Variants in PHF19 observed in about 807,000 individuals in gnomAD.
The protein encoded by PHF19 is PHD finger protein 19.
Under a neutral mutation model 79.8 loss-of-function variants are expected in PHF19, and 21 were observed. That is an observed-to-expected ratio of 0.26 (90% CI 0.19 to 0.38). The LOEUF (loss-of-function observed/expected upper bound fraction) is 0.38, where lower values mean the gene tolerates loss of function less well. Among genes scored for constraint, PHF19 ranks in the 10% least tolerant of loss-of-function variants. The pLI is 1.00. For missense variants in PHF19, 445 were observed against 744.2 expected, an observed-to-expected ratio of 0.60 and a Z score of 4.68; for synonymous variants, 273 against 296.3, an observed-to-expected ratio of 0.92 and a Z score of 0.81.
At chr9:120,889,993 C>T (rs2046320374) in intron 1 of PHF19, among the ~76,000 whole-genome samples, 1 of 152,196 alleles carries the variant, frequency 6.6e-6, no homozygotes, top group Admixed American at 6.5e-5. Context: ...ACCCACAGCT[C>T]ACAAAATTGC....
chr9:120,867,542 G>A lies in PHF19; in HGVS notation c.615-577C>T, dbSNP rs142695863. On this transcript the variant is annotated intron_variant, in intron 6 of 14. Transcript: ENST00000373896. ...TGTCAGGTGAGCTCCAGGTTAAAAC[G>A]CAGATTCCTTGGTCCACTGCAGACC... Among the ~76,000 whole-genome samples the A allele has an allele frequency of 7.9e-5, 12 of 152,320 alleles. No individual in the cohort carries two copies. The East Asian group carries it at 2.3e-3, about 29-fold the overall frequency.
upstream of PHF19, chr9:120,877,406 G>A (rs1458506355): frequency 1.0e-5 from 10 of 969,360 alleles, no homozygotes; most frequent in African/African-American, 1.8e-5. Flanking sequence ...GGAGCCCGCG[G>A]CCGCCGGGCT....
upstream of PHF19, among the ~76,000 whole-genome samples, chr9:120,880,673 C>T (rs143232810): frequency 7.3e-4 from 111 of 152,256 alleles, no homozygotes; most frequent in Non-Finnish European, 1.1e-3. Context: ...TGTTTCTTAA[C>T]GCATTCAGCT....
chr9:120,897,464 A>G (rs1372804290), upstream of PHF19, among the ~76,000 whole-genome samples: 1 of 152,230 alleles, frequency 6.6e-6, no homozygotes, highest in Non-Finnish European at 1.5e-5. Context: ...TTCAGGTCAC[A>G]TGGAGTGGGT....
rs1023288291 is a variant in PHF19, at chr9:120,874,830, C to T, written c.-15-74G>A. On this transcript the variant is annotated intron_variant, in intron 1 of 14. Coordinates refer to ENST00000373896, the MANE Select transcript of PHF19 (RefSeq NM_015651.3). The surrounding 1 kb of genome is among the most constrained non-coding windows in gnomAD (Gnocchi z 4.5). ...AAGCCCATCAGGGGAAGGAAGGAAA[C>T]CACCATTTCTGTACCCTGTGCTATA... 1.1e-6 allele frequency: 1 copy of T among 950,584 alleles called. No homozygotes were observed. Among genetic ancestry groups the T allele is most frequent in the Admixed American group, 2.0e-5 (1 of 49,838 alleles). The allele number at this position is 950,584 out of a possible 1,614,324, so 58.9% of individuals were successfully genotyped here.
chr9:120,904,023 C>T, the PHF19 span: 8 of 152,218 alleles, frequency 5.3e-5, no homozygotes, highest in African/African-American at 1.7e-4. Context: ...GCTTGGAGGT[C>T]CTGATCAGTC....
In PHF19 at chr9:120,869,369, G is replaced by A; in HGVS notation, c.466-39C>T. The A allele has an allele frequency of 3.1e-6, 5 of 1,596,788 alleles. No individual in the cohort carries two copies. Among genetic ancestry groups the A allele is most frequent in the Non-Finnish European group, 4.3e-6 (5 of 1,172,154 alleles). ...AGGGCCCCAGTCAACCACCAGGTCC[G>A]GGTGGACCACGCGAGTCAGCACGCG... On this transcript the variant is annotated intron_variant, in intron 5 of 14. Transcript: ENST00000373896. The surrounding 1 kb of genome is among the most constrained non-coding windows in gnomAD (Gnocchi z 5.8).
chr9:120,860,839 G>T lies in PHF19; in HGVS notation c.1304+250C>A. 2.3e-6 allele frequency: 1 copy of T among 441,718 alleles called. No individual in the cohort carries two copies. Among genetic ancestry groups the T allele is most frequent in the East Asian group, 4.2e-5 (1 of 23,848 alleles). The allele number at this position is 441,718 out of a possible 1,614,324, so 27.4% of individuals were successfully genotyped here. ...GTATCTCAGGCAGAGGGAGCAATAC[G>T]AGCAAAGATGAGCAAGCATCAAACA... is the stretch of plus-strand genomic sequence containing the variant. On this transcript the variant is annotated intron_variant, in intron 13 of 14. Transcript: ENST00000373896. This position sits in a 1 kb window ranked among gnomAD's most constrained non-coding sequence, Gnocchi z 4.1.
rs1380920847 is a variant in PHF19 at position 120,856,227 on chromosome 9, T to C, written c.*1717A>G. ...GAAGCAGAGGAAAGTGGGTGGGCTGTGCACAGGAGGTGAGGTCCCCCTTAA... is the reference window on the plus strand; with the variant it reads ...GAAGCAGAGGAAAGTGGGTGGGCTGCGCACAGGAGGTGAGGTCCCCCTTAA... On this transcript the variant is annotated 3_prime_UTR_variant, in exon 15 of 15. Coordinates refer to ENST00000373896, the MANE Select transcript of PHF19 (RefSeq NM_015651.3). 1 of 152,926 alleles carries C rather than the reference T, an allele frequency of 6.5e-6. No homozygotes were observed. Among genetic ancestry groups the C allele is most frequent in the Non-Finnish European group, 1.5e-5 (1 of 68,268 alleles). The allele number at this position is 152,926 out of a possible 1,614,324, so 9.5% of individuals were successfully genotyped here.
rs764567719 is a variant in PHF19 at position 120,857,926 on chromosome 9, G to A, written c.*18C>T. The A allele has an allele frequency of 1.3e-6, 2 of 1,483,424 alleles. No homozygotes were observed. Among genetic ancestry groups the A allele is most frequent in the East Asian group, 2.4e-5 (1 of 42,222 alleles). 91.9% of individuals were successfully genotyped at this position (1,483,424 alleles called of 1,614,324 possible). ...TCCTCCTTTGGTTTTCAGGACCCCT[G>A]GCACCCCCGGGGGCTAGTCAGTAAG... On this transcript the variant is annotated 3_prime_UTR_variant, in exon 15 of 15. Transcript: ENST00000373896.
chr9:120,869,409 G>T lies in PHF19; in HGVS notation c.466-79C>A. On this transcript the variant is annotated intron_variant, in intron 5 of 14. Transcript: ENST00000373896. The surrounding 1 kb of genome is among the most constrained non-coding windows in gnomAD (Gnocchi z 5.8). ...GTCAGCACGCGGCTGTCTATTGAGG[G>T]AAGTGCTGCCAGGGCTTGGGGGACC... The T allele has an allele frequency of 1.3e-6, 2 of 1,498,556 alleles. No homozygotes were observed. Among genetic ancestry groups the T allele is most frequent in the Non-Finnish European group, 9.0e-7 (1 of 1,107,380 alleles). 92.8% of individuals were successfully genotyped at this position (1,498,556 alleles called of 1,614,324 possible).
At chr9:120,864,299 G>A (rs1376515731) in intron 9 of PHF19, among the ~76,000 whole-genome samples, 183 bp from the exon 10 acceptor site, 2 of 152,198 alleles carry the variant, frequency 1.3e-5, no homozygotes, top group South Asian at 4.1e-4. Flanking sequence ...ATTTGTAAAT[G>A]GAGAGAATAC....
intron 3 of PHF19, among the ~76,000 whole-genome samples, chr9:120,871,226 C>A (rs148866986): frequency 1.3e-5 from 2 of 152,248 alleles, no homozygotes; most frequent in Admixed American, 6.5e-5. Flanking sequence ...GAAACTCCAT[C>A]TTCTCATCAC....
At chr9:120,894,105 T>G (rs1321127483) in intron 1 of PHF19, among the ~76,000 whole-genome samples, 1 of 152,194 alleles carries the variant, frequency 6.6e-6, no homozygotes, top group African/African-American at 2.4e-5. Flanking sequence ...TGTCACCTCA[T>G]CTGTCAACAG....
chr9:120,879,988 G>A (rs1281740247), upstream of PHF19, among the ~76,000 whole-genome samples: 1 of 151,620 alleles, frequency 6.6e-6, no homozygotes, highest in Non-Finnish European at 1.5e-5. Flanking sequence ...GCACGGAGTC[G>A]AGTCTGTCAA....
upstream of PHF19, among the ~76,000 whole-genome samples, chr9:120,895,302 T>A (rs1478543529): frequency 2.0e-5 from 3 of 152,010 alleles, no homozygotes; most frequent in African/African-American, 7.3e-5. Flanking sequence ...ACTGTCCCCT[T>A]AATCCCGGGC....
rs77347296 is a variant in PHF19, at chr9:120,870,301, A to G, written c.364+142T>C. 1.2e-3 allele frequency: 811 copies of G among 676,390 alleles called. 6 individuals are homozygous for G. In the African/African-American group the frequency reaches 0.013, roughly 11 times the overall value. The allele number at this position is 676,390 out of a possible 1,614,324, so 41.9% of individuals were successfully genotyped here. A position where few individuals can be genotyped will look rare whatever the true frequency, so the allele number is the denominator to read the frequency against. ...TCTTCCCAAGCCCTCACTTACAGCA[A>G]CTGGCCCCCTTTCACCCTGCAGTGC... On this transcript the variant is annotated intron_variant, in intron 4 of 14. Coordinates refer to ENST00000373896, the MANE Select transcript of PHF19 (RefSeq NM_015651.3). This position sits in a 1 kb window ranked among gnomAD's most constrained non-coding sequence, Gnocchi z 4.4.
chr9:120,881,140 C>CG (rs2046174737), upstream of PHF19, among the ~76,000 whole-genome samples: 3 of 87,162 alleles, frequency 3.4e-5, no homozygotes, highest in Non-Finnish European at 6.6e-5. Flanking sequence ...GGAAGCACAT[C>CG]GGGGGTTTGT....
chr9:120,858,434 C>T (rs2045410205), intron 14 of PHF19, 148 bp from the exon 15 acceptor site: 1 of 563,806 alleles, frequency 1.8e-6, no homozygotes. Context: ...CCCATGCTCT[C>T]TCAAAGGTGC....
Sources: gnomAD v4.1 joint callset for allele counts (sites outside exome capture counted in the v4.1 genomes callset) on GRCh38, gnomAD v4.1.1 for gene constraint, Gnocchi (gnomAD v3.1) non-coding constraint, MANE v1.5 for transcripts, NCBI Gene and HGNC (gene_info 2026-07-23, HGNC 2026-07-21) for gene names.